Variants in PACSIN2 observed in about 807,000 individuals in gnomAD.
PACSIN2 encodes protein kinase C and casein kinase substrate in neurons protein 2.
PACSIN2 carries 25 observed loss-of-function variants against 63.8 expected under a neutral mutation model. That is an observed-to-expected ratio of 0.39 (90% CI 0.29 to 0.55). The LOEUF (loss-of-function observed/expected upper bound fraction) is 0.55. PACSIN2 is among the 20% of genes least tolerant of loss of function. The pLI, the probability that PACSIN2 is intolerant of heterozygous loss-of-function variation, is 0.62. For synonymous variants in PACSIN2, 255 were observed against 256.2 expected (o/e 1.00, Z 0.05); for missense variants, 518 against 646.9 (o/e 0.80, Z 2.16).
At position 42,872,895 on chromosome 22, in the gene PACSIN2, C is replaced by T. The variant is rs372545054; in HGVS notation, c.1349-1426G>A. ...CAGCAGCCACGATGAACCACCATCT[C>T]TTTCCACCGCTTCGTGCCTCGGGCC... On this transcript the variant is annotated intron_variant, in intron 10 of 10. Coordinates refer to ENST00000263246, the MANE Select transcript of PACSIN2 (RefSeq NM_001184970.3). Among the ~76,000 whole-genome samples the T allele has an allele frequency of 2.6e-5, 4 of 152,264 alleles. No individual in the cohort carries two copies. The East Asian group carries it at 5.8e-4, about 22-fold the overall frequency.
intron 1 of PACSIN2, among the ~76,000 whole-genome samples, chr22:42,943,790 A>G (rs1254944742): frequency 6.6e-6 from 1 of 152,228 alleles, no homozygotes; most frequent in African/African-American, 2.4e-5. Context: ...GGCTTTGAGA[A>G]AAGAAATTTG....
At chr22:42,977,075 AAC>A (rs1555941838) in intron 1 of PACSIN2, among the ~76,000 whole-genome samples, 4 of 152,342 alleles carry the variant, frequency 2.6e-5, no homozygotes, top group Admixed American at 2.6e-4. Flanking sequence ...CAAATATATA[AAC>A]ATATATATGC....
At chr22:42,919,733 A>T (rs1932043150) in intron 1 of PACSIN2, among the ~76,000 whole-genome samples, 1 of 133,652 alleles carries the variant, frequency 7.5e-6, no homozygotes, top group African/African-American at 2.8e-5. Context: ...AGATTGCACC[A>T]CTGTACTCCA....
Position 42,891,193 on chromosome 22 carries a change from G to T in PACSIN2, c.218-11C>A, listed in dbSNP as rs993476712. 4 of 1,596,842 alleles carry T rather than the reference G, an allele frequency of 2.5e-6. No homozygotes were observed. Among genetic ancestry groups the T allele is most frequent in the Non-Finnish European group, 3.4e-6 (4 of 1,165,930 alleles). On this transcript the variant is annotated splice_polypyrimidine_tract_variant and intron_variant, in intron 3 of 10. Coordinates refer to ENST00000263246, the MANE Select transcript of PACSIN2 (RefSeq NM_001184970.3). ...TCCCGTACTGGGGCCCTGTGCAGGG[G>T]AGAGAAGCTGCGGGTCACTCAGCGC...
At chr22:42,915,944 C>T (rs1931777529) in intron 1 of PACSIN2, among the ~76,000 whole-genome samples, 1 of 152,190 alleles carries the variant, frequency 6.6e-6, no homozygotes, top group African/African-American at 2.4e-5. Flanking sequence ...AAGACAGAGA[C>T]TGTGAGGGGA....
chr22:43,000,000 C>T (rs901531192), intron 1 of PACSIN2, among the ~76,000 whole-genome samples: 2 of 152,258 alleles, frequency 1.3e-5, no homozygotes, highest in Non-Finnish European at 2.9e-5. Context: ...ATCTGCACAA[C>T]AATCCTATCA....
chr22:42,878,899 C>G (rs1411049037), intron 8 of PACSIN2, 149 bp downstream of exon 8: 1 of 865,578 alleles, frequency 1.2e-6, no homozygotes, highest in African/African-American at 1.7e-5. Flanking sequence ...CAGGAACCTC[C>G]CAGGTGTCCA....
At chr22:43,008,331 A>C (rs903699087) in intron 1 of PACSIN2, among the ~76,000 whole-genome samples, 1 of 151,810 alleles carries the variant, frequency 6.6e-6, no homozygotes, top group Non-Finnish European at 1.5e-5. Context: ...GCTCACTGCA[A>C]CCTCCGCCTC....
At chr22:42,992,819 T>C (rs981950904) in intron 1 of PACSIN2, among the ~76,000 whole-genome samples, 1 of 152,202 alleles carries the variant, frequency 6.6e-6, no homozygotes, top group African/African-American at 2.4e-5. Context: ...AATCTCAAAG[T>C]AATTTTACTG....
chr22:42,899,356 G>A (rs1930512021), intron 2 of PACSIN2, among the ~76,000 whole-genome samples: 1 of 151,934 alleles, frequency 6.6e-6, no homozygotes, highest in Non-Finnish European at 1.5e-5. Flanking sequence ...GTGCCATCTC[G>A]GCTCACTTGC....
chr22:42,987,428 C>A (rs1356434284), intron 1 of PACSIN2, among the ~76,000 whole-genome samples: 2 of 147,338 alleles, frequency 1.4e-5, no homozygotes, highest in African/African-American at 5.1e-5. Flanking sequence ...GTTTGAGACA[C>A]CCCACCCTGA....
At chr22:42,989,117 A>G (rs1366772850) in intron 1 of PACSIN2, among the ~76,000 whole-genome samples, 1 of 152,102 alleles carries the variant, frequency 6.6e-6, no homozygotes, top group Non-Finnish European at 1.5e-5. Context: ...AGGCTCACGA[A>G]ATCCTCCTGC....
intron 9 of PACSIN2, 138 bp downstream of exon 9, chr22:42,876,750 G>T: frequency 9.4e-7 from 1 of 1,061,400 alleles, no homozygotes; most frequent in Non-Finnish European, 1.4e-6. Flanking sequence ...AGTGGGCCAG[G>T]GTGCGGCACG....
intron 1 of PACSIN2, among the ~76,000 whole-genome samples, chr22:43,001,068 T>G (rs1183384124): frequency 6.6e-6 from 1 of 152,238 alleles, no homozygotes. Flanking sequence ...AGGGCTGCTA[T>G]GGAATCACGT....
Position 42,869,945 on chromosome 22 carries a change from C to T in PACSIN2, c.*1412G>A, listed in dbSNP as rs1329310986. On this transcript the variant is annotated 3_prime_UTR_variant, in exon 11 of 11. Coordinates refer to ENST00000263246, the MANE Select transcript of PACSIN2 (RefSeq NM_001184970.3). ...ACACAGGTCCACTTTCCAAGCAAGA[C>T]ATCTGCTCACTGGAAACGGAGTGAA... is the stretch of plus-strand genomic sequence containing the variant. The T allele has an allele frequency of 6.6e-6, 1 of 152,434 alleles. No individual in the cohort carries two copies. Among genetic ancestry groups the T allele is most frequent in the Non-Finnish European group, 1.5e-5 (1 of 68,048 alleles). The allele number at this position is 152,434 out of a possible 1,614,324, so 9.4% of individuals were successfully genotyped here.
At chr22:42,967,446 T>G (rs1920974680) in intron 1 of PACSIN2, among the ~76,000 whole-genome samples, 1 of 152,338 alleles carries the variant, frequency 6.6e-6, no homozygotes, top group African/African-American at 2.4e-5. Flanking sequence ...TTTCAGACAT[T>G]TTAACACCAA....
rs80155340 is a variant in PACSIN2, at chr22:42,891,231, G to A, written c.218-49C>T. On this transcript the variant is annotated intron_variant, in intron 3 of 10. Coordinates refer to ENST00000263246, the MANE Select transcript of PACSIN2 (RefSeq NM_001184970.3). Reference sequence around the variant, plus strand: ...GGTCACTCAGCGCCGGCCATGGTGGGGTCTGCTCTGCTCACACCTCGGCTG... The same window carrying A: ...GGTCACTCAGCGCCGGCCATGGTGGAGTCTGCTCTGCTCACACCTCGGCTG... 2.3e-3 allele frequency: 2,948 copies of A among 1,285,966 alleles called. 54 individuals are homozygous for A. In the African/African-American group the frequency reaches 0.037, roughly 16 times the overall value. The allele number at this position is 1,285,966 out of a possible 1,614,324, so 79.7% of individuals were successfully genotyped here.
At chr22:42,982,475 C>G (rs1452312078) in intron 1 of PACSIN2, among the ~76,000 whole-genome samples, 1 of 84,528 alleles carries the variant, frequency 1.2e-5, no homozygotes, top group Non-Finnish European at 2.3e-5. Context: ...GGATGGTTGC[C>G]GGGTCTGTGT....
At chr22:42,991,892 A>T (rs1327213520) in intron 1 of PACSIN2, among the ~76,000 whole-genome samples, 1 of 152,204 alleles carries the variant, frequency 6.6e-6, no homozygotes, top group East Asian at 1.9e-4. Flanking sequence ...GCCTAAATGT[A>T]AAACATAAAA....
Sources: allele counts gnomAD v4.1 joint callset (sites outside exome capture counted in the v4.1 genomes callset), GRCh38; gene constraint gnomAD v4.1.1; transcripts MANE v1.5; gene names NCBI Gene and HGNC (gene_info 2026-07-23, HGNC 2026-07-21).